Variants in NOP2 observed in about 807,000 individuals in gnomAD.
The protein encoded by NOP2 is 28S rRNA (cytosine(4447)-C(5))-methyltransferase.
Under a neutral mutation model 72.7 loss-of-function variants are expected in NOP2, and 7 were observed. The observed-to-expected ratio is 0.10, with a 90% CI of 0.05 to 0.18. The LOEUF (loss-of-function observed/expected upper bound fraction) is 0.18, where lower values mean the gene tolerates loss of function less well. NOP2 is among the 10% of genes least tolerant of loss of function. The probability of loss-of-function intolerance (pLI) is 1.00; values close to 1 mark genes in which losing one functional copy is unlikely to be tolerated. For missense variants in NOP2, 954 were observed against 1,014.7 expected (o/e 0.94, Z 0.81); for synonymous variants, 387 against 388.0 (o/e 1.00, Z 0.03).
intron 5 of NOP2, 76 bp from the exon 6 acceptor site, chr12:6,564,022 AT>A: frequency 1.3e-6 from 2 of 1,555,586 alleles, no homozygotes; most frequent in African/African-American, 1.4e-5. Flanking sequence ...TCTATATCTT[AT>A]TTTTTCGCTA....
chr12:6,561,619 A>G (rs1356175986), intron 11 of NOP2, 45 bp downstream of exon 11: 2 of 1,603,872 alleles, frequency 1.2e-6, no homozygotes, highest in Admixed American at 3.3e-5. Context: ...CTACTTTCAA[A>G]AGCAAGACAG....
intron 9 of NOP2, 116 bp from the exon 10 acceptor site, chr12:6,562,087 C>A: frequency 1.3e-6 from 1 of 755,246 alleles, no homozygotes; most frequent in Non-Finnish European, 2.3e-6. Flanking sequence ...CTCCCAGATT[C>A]AAGCGATTCT....
In NOP2 at chr12:6,563,753, C is replaced by T. The variant is rs763521891; in HGVS notation, c.549G>A (p.Glu183=). Residue 183 remains glutamate, a synonymous_variant, in exon 7 of 16, where the codon GAG becomes GAA. Coordinates refer to ENST00000322166, the MANE Select transcript of NOP2 (RefSeq NM_001258308.2). ...EAAAGIQWSE[E]ETEDEEEEKE... is the part of the protein sequence containing the mutation. ...TCTCTTCCTCCTCGTCCTCGGTCTC[C>T]TCTTCACTCCACTGGATCCTAGAAA... The T allele has an allele frequency of 6.8e-6, 11 of 1,613,152 alleles. No homozygotes were observed. The highest frequency in any genetic ancestry group is 3.3e-5 in the Admixed American group (2 of 59,934).
intron 5 of NOP2, chr12:6,564,247 G>C: frequency 3.1e-6 from 1 of 322,762 alleles, no homozygotes; most frequent in Non-Finnish European, 5.6e-6. Flanking sequence ...CTGCACTCCA[G>C]CCTGGGCAAC....
rs1157597945 is a variant in NOP2, at chr12:6,566,276, G to T, written c.299C>A (p.Ala100Asp). The change falls in exon 5 of 16, where the codon GCT (alanine) becomes GAT (aspartate). Residue 100 changes from alanine to aspartate, a missense_variant. Transcript: ENST00000322166. ...TGCTGGGCGCTTCTTGCCTCGAGGA[G>T]CATTAAATAGGGACTGGGGTCCCTT... ...GKKGPQSLFNAPRGKKRPAPG... is the reference protein window; with the variant it reads ...GKKGPQSLFNDPRGKKRPAPG... 3 of 1,613,912 alleles carry T rather than the reference G, an allele frequency of 1.9e-6. No individual in the cohort carries two copies. Among genetic ancestry groups the T allele is most frequent in the Non-Finnish European group, 2.5e-6 (3 of 1,179,898 alleles).
At chr12:6,568,035 AACTC>A (rs1025550970) in intron 1 of NOP2, 113 bp from the exon 2 acceptor site, 1 of 740,852 alleles carries the variant, frequency 1.3e-6, no homozygotes, top group Non-Finnish European at 2.2e-6. Context: ...CAGCACCCGC[AACTC>A]ACTCAGCACT....
Position 6,561,858 on chromosome 12 carries a change from A to T in NOP2, c.1066+26T>A, listed in dbSNP as rs1281055736. ...CGGTAGGGACAGGGACAGAGGTAGA[A>T]GGGCTCTTGGGTGGGGGAGACTTAC... On this transcript the variant is annotated intron_variant, in intron 10 of 15. Transcript: ENST00000322166. The T allele has an allele frequency of 5.0e-6, 8 of 1,609,908 alleles. No individual in the cohort carries two copies. In the East Asian group the frequency reaches 1.6e-4, roughly 31 times the overall value.
rs200848672 is a variant in NOP2 at position 6,557,532 on chromosome 12, G to T, written c.1900C>A (p.Gln634Lys). 1 of 1,613,938 alleles carries T rather than the reference G, an allele frequency of 6.2e-7. No individual in the cohort carries two copies. Among genetic ancestry groups the T allele is most frequent in the Admixed American group, 1.7e-5 (1 of 60,020 alleles). Residue 634 changes from glutamine to lysine, a missense_variant, in exon 16 of 16, where the codon CAG becomes AAG. Physicochemically the swap from Gln to Lys is moderately conservative, Grantham distance 53. This residue lies in a region of NOP2 where 269 missense variants were observed against 260.2 expected (regional missense o/e 1.03). Transcript: ENST00000322166. ...KKAKGAAKTK[Q>K]QLQKQQHPKK... ...GGATGTTGCTGTTTCTGCAGCTGCT[G>T]CTTTGTCTTTGCAGCCCCCTTGGCT...
rs1442990281 is a variant in NOP2 at position 6,560,375 on chromosome 12, C to A, written c.1561-49G>T. ...AACGGAGGAAAAAGCAGAGCTGGAGCTGAAGGGAGCTCTAAGGGGCAAAGA... is the reference window on the plus strand; with the variant it reads ...AACGGAGGAAAAAGCAGAGCTGGAGATGAAGGGAGCTCTAAGGGGCAAAGA... On this transcript the variant is annotated intron_variant, in intron 14 of 15. Coordinates refer to ENST00000322166, the MANE Select transcript of NOP2 (RefSeq NM_001258308.2). This position sits in a 1 kb window ranked among gnomAD's most constrained non-coding sequence, Gnocchi z 5.0. 1 of 1,605,626 alleles carries A rather than the reference C, an allele frequency of 6.2e-7. No homozygotes were observed. The highest frequency in any genetic ancestry group is 8.5e-7 in the Non-Finnish European group (1 of 1,173,888).
intron 15 of NOP2, chr12:6,558,027 G>C (rs1039599864): frequency 1.8e-5 from 6 of 341,970 alleles, no homozygotes; most frequent in Non-Finnish European, 2.8e-5. Context: ...TGTAATCCTA[G>C]CTACTTGGGA....
At position 6,561,791 on chromosome 12, in the gene NOP2, C is replaced by T. The variant is rs961798369; in HGVS notation, c.1080G>A (p.Glu360=). The T allele has an allele frequency of 6.2e-7, 1 of 1,610,144 alleles. No homozygotes were observed. Among genetic ancestry groups the T allele is most frequent in the Non-Finnish European group, 8.5e-7 (1 of 1,178,190 alleles). The change falls in exon 11 of 16, where the codon GAG becomes GAA. Residue 360 remains glutamate, a synonymous_variant. Coordinates refer to ENST00000322166, the MANE Select transcript of NOP2 (RefSeq NM_001258308.2). Reference sequence around the variant, plus strand: ...GCAGCATGTAGTGCCCAGCCAGGTACTCGGGGGTAGCACCTGTGGAGAAGG... The same window carrying T: ...GCAGCATGTAGTGCCCAGCCAGGTATTCGGGGGTAGCACCTGTGGAGAAGG... ...DSSVPIGATP[E]YLAGHYMLQG...
intron 5 of NOP2, chr12:6,564,177 G>A (rs1210672362): frequency 7.6e-7 from 1 of 1,315,176 alleles, no homozygotes; most frequent in Non-Finnish European, 1.0e-6. Flanking sequence ...TTGGGAAGCT[G>A]AGGCAGGAGA....
chr12:6,566,058 T>C lies in NOP2; in HGVS notation c.474+43A>G, dbSNP rs761968268. Reference sequence around the variant, plus strand: ...TCAAGAATCTGGGAAAGAAACTAAATAGCAAGGATCCTTCTATGAATGCCC... The same window carrying C: ...TCAAGAATCTGGGAAAGAAACTAAACAGCAAGGATCCTTCTATGAATGCCC... On this transcript the variant is annotated intron_variant, in intron 5 of 15. Transcript: ENST00000322166. 1.3e-5 allele frequency: 19 copies of C among 1,490,104 alleles called. No homozygotes were observed. The East Asian group carries it at 1.4e-4, about 11-fold the overall frequency. 92.3% of individuals were successfully genotyped at this position (1,490,104 alleles called of 1,614,324 possible).
At chr12:6,557,866 G>C (rs1947535918) in intron 15 of NOP2, 1 of 530,646 alleles carries the variant, frequency 1.9e-6, no homozygotes, top group Non-Finnish European at 3.3e-6. Flanking sequence ...CTATAGGCCA[G>C]GCGTGGTGGC....
At chr12:6,563,259 A>G in intron 8 of NOP2, 56 bp downstream of exon 8, 1 of 1,539,572 alleles carries the variant, frequency 6.5e-7, no homozygotes, top group South Asian at 1.2e-5. Context: ...TCTTCCTTAC[A>G]CAGCGTAAGG....
In NOP2 at chr12:6,567,919, G is replaced by A; in HGVS notation, c.-1C>T. 6.2e-7 allele frequency: 1 copy of A among 1,612,176 alleles called. No homozygotes were observed. The highest frequency in any genetic ancestry group is 1.1e-5 in the South Asian group (1 of 90,876). On this transcript the variant is annotated 5_prime_UTR_variant, in exon 2 of 16. Transcript: ENST00000322166. ...TCGTAGGGTCCAACTTGCGCCCCAT[G>A]GTACTGTGGCAGGCAGAAATGGGAG...
At chr12:6,562,068 A>G in intron 9 of NOP2, 97 bp from the exon 10 acceptor site, 3 of 858,546 alleles carry the variant, frequency 3.5e-6, no homozygotes, top group Non-Finnish European at 5.7e-6. Context: ...GGCTCACAGC[A>G]ACCTCCACCT....
At chr12:6,562,538 T>A (rs1307462930) in intron 9 of NOP2, among the ~76,000 whole-genome samples, 1 of 152,206 alleles carries the variant, frequency 6.6e-6, no homozygotes, top group African/African-American at 2.4e-5. Context: ...TGCCACCTCC[T>A]GTTACTTTAT....
chr12:6,560,077 G>A lies in NOP2; in HGVS notation c.1789+21C>T, dbSNP rs777430384. The A allele has an allele frequency of 7.7e-6, 12 of 1,562,696 alleles. No individual in the cohort carries two copies. In the East Asian group the frequency reaches 2.2e-4, roughly 29 times the overall value. On this transcript the variant is annotated intron_variant, in intron 15 of 15. Transcript: ENST00000322166. The surrounding 1 kb of genome is among the most constrained non-coding windows in gnomAD (Gnocchi z 5.0). ...TGGAAAGAGCAAAGGTGGTGACGAAGGGAAGAAAAAGATTACTTACCTGTC... is the reference window on the plus strand; with the variant it reads ...TGGAAAGAGCAAAGGTGGTGACGAAAGGAAGAAAAAGATTACTTACCTGTC...
Sources: gnomAD v4.1 joint callset for allele counts (sites outside exome capture counted in the v4.1 genomes callset) on GRCh38, gnomAD v4.1.1 for gene constraint, gnomAD v4.1.1 regional missense constraint, Gnocchi (gnomAD v3.1) non-coding constraint, MANE v1.5 for transcripts, NCBI Gene and HGNC (gene_info 2026-07-23, HGNC 2026-07-21) for gene names.